The following NOL4L variants were observed in gnomAD, a reference collection of about 807,000 sequenced individuals.
NOL4L encodes nucleolar protein 4-like.
NOL4L carries 7 observed loss-of-function variants against 64.5 expected under a neutral mutation model. The ratio of observed to expected loss-of-function variants is 0.11; its 90% CI spans 0.06 to 0.20. NOL4L has a LOEUF of 0.20. NOL4L is among the 10% of genes least tolerant of loss of function. The pLI, the probability that NOL4L is intolerant of heterozygous loss-of-function variation, is 1.00. For synonymous variants in NOL4L, 413 were observed against 401.0 expected, an observed-to-expected ratio of 1.03 and a Z score of -0.36; for missense variants, 680 against 967.1, an observed-to-expected ratio of 0.70 and a Z score of 3.94.
chr20:32,520,344 T>C (rs1158693994), intron 3 of NOL4L: 1 of 151,474 alleles, frequency 6.6e-6, no homozygotes, highest in East Asian at 1.9e-4. Flanking sequence ...AGAGGCCACA[T>C]GGGTGTGCAC....
intron 3 of NOL4L, among the ~76,000 whole-genome samples, chr20:32,512,694 GT>G (rs35149216): frequency 0.032 from 4,909 of 151,384 alleles, 124 homozygotes; most frequent in Non-Finnish European, 0.047. Context: ...CTTTTAAAAA[GT>G]TTTTTTTTCC....
At chr20:32,509,844 G>A (rs560488445) in intron 4 of NOL4L, 1 of 1,304,208 alleles carries the variant, frequency 7.7e-7, no homozygotes, top group Admixed American at 2.3e-5. Context: ...TGTGCTTCCG[G>A]CTGTTTGTGC....
chr20:32,483,386 G>A (rs1236460290), intron 4 of NOL4L: 3 of 985,084 alleles, frequency 3.0e-6, no homozygotes, highest in Non-Finnish European at 3.6e-6. Context: ...AGGCGGAGAT[G>A]GGCGGTCGGG....
chr20:32,522,235 G>A (rs2017971251), intron 2 of NOL4L, among the ~76,000 whole-genome samples: 2 of 152,232 alleles, frequency 1.3e-5, no homozygotes, highest in Admixed American at 6.5e-5. Context: ...CTGCAAATGC[G>A]AAGTTAATTT....
At position 32,452,238 on chromosome 20, in the gene NOL4L, T is replaced by A. The variant is rs1479682522; in HGVS notation, c.1820A>T (p.Asn607Ile). The change falls in exon 10 of 11, where the codon AAT becomes ATT. Residue 607 changes from asparagine (N) to isoleucine (I), a missense_variant and splice_region_variant. Physicochemically the swap from Asn to Ile is moderately radical, Grantham distance 149. This residue lies in a region of NOL4L where 175 missense variants were observed against 227.0 expected (regional missense o/e 0.77). Transcript: ENST00000621426. ...PASLQTGNHSNGPTDLSMKGG... is the reference protein window; with the variant it reads ...PASLQTGNHSIGPTDLSMKGG... The stretch of plus-strand genomic sequence containing the variant: ...AGCCCAGGCCTCCCCCGACTCACCA[T>A]TACTGTGGTTTCCTGTTTGGAGGGA... The A allele has an allele frequency of 6.4e-7, 1 of 1,554,498 alleles. No homozygotes were observed. The highest frequency in any genetic ancestry group is 2.3e-5 in the East Asian group (1 of 43,222).
At chr20:32,532,625 T>G (rs2018384656) in intron 1 of NOL4L, among the ~76,000 whole-genome samples, 1 of 152,204 alleles carries the variant, frequency 6.6e-6, no homozygotes, top group Admixed American at 6.5e-5. Context: ...GGGAAGCCCC[T>G]GCCATCCCCC....
intron 1 of NOL4L, among the ~76,000 whole-genome samples, chr20:32,546,254 C>CT (rs577364126): frequency 1.3e-5 from 2 of 149,940 alleles, no homozygotes; most frequent in South Asian, 4.2e-4. Context: ...CTTTTTTTTC[C>CT]TTTTTTTGGC....
In NOL4L at chr20:32,446,992, T is replaced by A. The variant is rs1326855618; in HGVS notation, c.*604A>T. The A allele has an allele frequency of 6.2e-6, 2 of 320,818 alleles. No individual in the cohort carries two copies. The highest frequency in any genetic ancestry group is 1.2e-5 in the Non-Finnish European group (2 of 165,748). The allele number at this position is 320,818 out of a possible 1,614,324, so 19.9% of individuals were successfully genotyped here. Reference sequence around the variant, plus strand: ...TGGCCAAGGGCTAGCGGCCACAGGGTGCACCAGGCATGCAGAGGAACAGCC... The same window carrying A: ...TGGCCAAGGGCTAGCGGCCACAGGGAGCACCAGGCATGCAGAGGAACAGCC... On this transcript the variant is annotated 3_prime_UTR_variant, in exon 11 of 11. Coordinates refer to ENST00000621426, the MANE Select transcript of NOL4L (RefSeq NM_001256798.2).
At chr20:32,553,959 T>A (rs1415209711) in intron 1 of NOL4L, among the ~76,000 whole-genome samples, 2 of 152,196 alleles carry the variant, frequency 1.3e-5, no homozygotes, top group Non-Finnish European at 2.9e-5. Context: ...CTCTGGACTA[T>A]CTTTGCAACT....
rs1183597371 is a variant in NOL4L, at chr20:32,485,157, A to G, written c.700-10415T>C. On this transcript the variant is annotated intron_variant, in intron 4 of 10. Transcript: ENST00000621426. Reference sequence around the variant, plus strand: ...CTGGTCGCATCCGAAGAGGAAGGGCAATTTCTACTGACTCTTTACGCTACC... The same window carrying G: ...CTGGTCGCATCCGAAGAGGAAGGGCGATTTCTACTGACTCTTTACGCTACC... Among the ~76,000 whole-genome samples the G allele has an allele frequency of 2.0e-5, 3 of 151,258 alleles. No individual in the cohort carries two copies. The East Asian group carries it at 5.8e-4, about 29-fold the overall frequency.
intron 1 of NOL4L, among the ~76,000 whole-genome samples, chr20:32,551,519 T>C (rs1025212820): frequency 2.0e-5 from 3 of 152,130 alleles, no homozygotes; most frequent in African/African-American, 7.2e-5. Flanking sequence ...TGCTACAACA[T>C]GGATGAACCC....
At position 32,478,886 on chromosome 20, in the gene NOL4L, C is replaced by G. The variant is rs550443116; in HGVS notation, c.700-4144G>C. ...TGTGAGCTGCCACACCTGGCTGCGA[C>G]AGCAAATTTTTTTTAAGTGAGAAAT... On this transcript the variant is annotated intron_variant, in intron 4 of 10. Transcript: ENST00000621426. Among the ~76,000 whole-genome samples the G allele has an allele frequency of 2.0e-4, 31 of 152,332 alleles. No homozygotes were observed. In the South Asian group the frequency reaches 3.1e-3, roughly 15 times the overall value.
chr20:32,484,889 A>G (rs2145503117), intron 4 of NOL4L, among the ~76,000 whole-genome samples: 1 of 151,492 alleles, frequency 6.6e-6, no homozygotes, highest in East Asian at 2.0e-4. Flanking sequence ...CAACACTCTC[A>G]TCACCAAACC....
intron 6 of NOL4L, among the ~76,000 whole-genome samples, chr20:32,455,049 A>G (rs909604430): frequency 2.6e-5 from 4 of 152,166 alleles, no homozygotes; most frequent in Admixed American, 2.6e-4. Context: ...TGGCTACCAT[A>G]ACTGGCCGTG....
chr20:32,494,252 G>GAAAAAAAAAAAAAAAAAAAAAAAAAA (rs1568654908), intron 4 of NOL4L, among the ~76,000 whole-genome samples: 2 of 27,094 alleles, frequency 7.4e-5, no homozygotes, highest in African/African-American at 3.1e-4. Context: ...GATAATCTCG[G>GAAAAAAAAAAAAAAAAAAAAAAAAAA]GAAAAAAAAA....
chr20:32,468,900 CAA>C lies in NOL4L; in HGVS notation c.841+5699_841+5700del, dbSNP rs555969764. 7.8e-3 allele frequency among the ~76,000 whole-genome samples: 744 copies of C among 95,242 alleles called. 10 individuals are homozygous for C. Among genetic ancestry groups the C allele is most frequent in the African/African-American group, 0.025 (688 of 27,098 alleles). The allele number at this position is 95,242 out of a possible 152,430, so 62.5% of individuals were successfully genotyped here. ...TGGGCAACAGAGCGGGACTCCATCTCAAAAAAAAAAAAAAAAAAAAGAAAGAA... is the reference window on the plus strand; with the variant it reads ...TGGGCAACAGAGCGGGACTCCATCTCAAAAAAAAAAAAAAAAAAGAAAGAA... On this transcript the variant is annotated intron_variant, in intron 5 of 10. Coordinates refer to ENST00000621426, the MANE Select transcript of NOL4L (RefSeq NM_001256798.2).
rs1600637019 is a variant in NOL4L, at chr20:32,454,090, A to G, written c.1120-329T>C. ...GCAGAGGCCAACACCAGGACCTGCC[A>G]CGTGTACAGGGGAAAGGCAGACATG... On this transcript the variant is annotated intron_variant, in intron 6 of 10. Coordinates refer to ENST00000621426, the MANE Select transcript of NOL4L (RefSeq NM_001256798.2). 1.0e-5 allele frequency: 3 copies of G among 296,464 alleles called. No individual in the cohort carries two copies. In the East Asian group the frequency reaches 1.8e-4, roughly 18 times the overall value. The allele number at this position is 296,464 out of a possible 1,614,324, so 18.4% of individuals were successfully genotyped here. A position where few individuals can be genotyped will look rare whatever the true frequency, so the allele number is the denominator to read the frequency against.
intron 1 of NOL4L, among the ~76,000 whole-genome samples, chr20:32,570,533 C>A (rs1173561032): frequency 6.6e-6 from 1 of 152,196 alleles, no homozygotes; most frequent in African/African-American, 2.4e-5. Flanking sequence ...CCCACAGTCA[C>A]CCTGTGTACC....
At chr20:32,565,422 C>T (rs1025864694) in intron 1 of NOL4L, among the ~76,000 whole-genome samples, 12 of 152,190 alleles carry the variant, frequency 7.9e-5, no homozygotes, top group African/African-American at 2.2e-4. Context: ...ATCTGCAAGG[C>T]GCTATTATTG....
Sources: gnomAD v4.1 joint callset for allele counts (sites outside exome capture counted in the v4.1 genomes callset) on GRCh38, gnomAD v4.1.1 for gene constraint, gnomAD v4.1.1 regional missense constraint, MANE v1.5 for transcripts, NCBI Gene and HGNC (gene_info 2026-07-23, HGNC 2026-07-21) for gene names.